Variants in C12orf42 observed in about 807,000 individuals in gnomAD.
The protein encoded by C12orf42 is uncharacterized protein C12orf42.
C12orf42 carries 25 observed loss-of-function variants against 21.6 expected under a neutral mutation model. The observed-to-expected ratio is 1.16, with a 90% confidence interval of 0.84 to 1.62. The LOEUF (loss-of-function observed/expected upper bound fraction) is 1.62. Ranked by LOEUF, C12orf42 falls within the 40% of genes most tolerant of loss-of-function variation. The probability of loss-of-function intolerance (pLI) is 0.00; values close to 1 mark genes in which losing one functional copy is unlikely to be tolerated. For missense variants in C12orf42, 483 were observed against 459.3 expected (o/e 1.05, Z -0.47); for synonymous variants, 174 against 175.0 (o/e 0.99, Z 0.05).
At chr12:103,343,911 G>A (rs2042391232) in intron 4 of C12orf42, among the ~76,000 whole-genome samples, 1 of 152,148 alleles carries the variant, frequency 6.6e-6, no homozygotes. Context: ...CTCCAGGGCT[G>A]TTAGTTCTAA....
chr12:103,197,253 T>G, the C12orf42 span, among the ~76,000 whole-genome samples: 1 of 152,202 alleles, frequency 6.6e-6, no homozygotes. Flanking sequence ...TCTAATCTGT[T>G]CTGGCTTGTA....
the C12orf42 span, among the ~76,000 whole-genome samples, chr12:103,220,325 C>T: frequency 6.6e-6 from 1 of 151,958 alleles, no homozygotes; most frequent in African/African-American, 2.4e-5. Context: ...CAGCAAACCA[C>T]CATGGCATGT....
chr12:103,379,858 A>G (rs201692208), intron 3 of C12orf42, among the ~76,000 whole-genome samples: 2 of 152,344 alleles, frequency 1.3e-5, no homozygotes, highest in South Asian at 2.1e-4. Flanking sequence ...ATTAAGGGTA[A>G]TATCGGGAAG....
chr12:103,260,676 T>C (rs1331363491), intron 10 of C12orf42, among the ~76,000 whole-genome samples: 1 of 152,228 alleles, frequency 6.6e-6, no homozygotes, highest in Non-Finnish European at 1.5e-5. Flanking sequence ...TTGTTTTCAC[T>C]GAATGTGGCC....
chr12:103,057,862 A>G, the C12orf42 span, among the ~76,000 whole-genome samples: 1 of 151,828 alleles, frequency 6.6e-6, no homozygotes, highest in African/African-American at 2.4e-5. Flanking sequence ...GCCAGCATCC[A>G]TTGTTTCTTG....
chr12:103,143,514 C>A, the C12orf42 span, among the ~76,000 whole-genome samples: 2 of 152,194 alleles, frequency 1.3e-5, no homozygotes, highest in Admixed American at 1.3e-4. Context: ...ACCAAGAAAA[C>A]TCCTCTACTG....
At chr12:103,418,302 C>T (rs1163502272) in intron 2 of C12orf42, among the ~76,000 whole-genome samples, 1 of 152,076 alleles carries the variant, frequency 6.6e-6, no homozygotes, top group Non-Finnish European at 1.5e-5. Context: ...TACCAGCAGG[C>T]ATGCCGTCTT....
intron 4 of C12orf42, among the ~76,000 whole-genome samples, chr12:103,336,255 A>AG (rs1378909740): frequency 6.6e-6 from 1 of 152,206 alleles, no homozygotes; most frequent in Non-Finnish European, 1.5e-5. Context: ...CTATATTTAT[A>AG]GTCTTTATGT....
the C12orf42 span, among the ~76,000 whole-genome samples, chr12:103,091,000 C>CA: frequency 2.0e-5 from 3 of 150,574 alleles, no homozygotes; most frequent in Admixed American, 1.3e-4. Context: ...AAAAAGAATA[C>CA]AAAAAAACCA....
the C12orf42 span, among the ~76,000 whole-genome samples, chr12:103,059,066 A>C: frequency 6.6e-6 from 1 of 152,156 alleles, no homozygotes; most frequent in Non-Finnish European, 1.5e-5. Flanking sequence ...TTAACAAAGT[A>C]GATAGACCAC....
Position 103,312,009 on chromosome 12 carries a change from T to A in C12orf42, c.260-5664A>T, listed in dbSNP as rs1284864008. Among the ~76,000 whole-genome samples the A allele has an allele frequency of 9.2e-5, 14 of 152,244 alleles. 1 individual carries two copies. The highest frequency in any genetic ancestry group is 2.1e-4 in the Non-Finnish European group (14 of 68,050). ...AAGTCTTTCTCCTCAGGTATCTTTC[T>A]ATCGATGGTCCTCATTTCAGAAACC... On this transcript the variant is annotated intron_variant, in intron 4 of 5. Transcript: ENST00000548883.
the C12orf42 span, among the ~76,000 whole-genome samples, chr12:103,180,256 C>T: frequency 2.0e-5 from 3 of 151,922 alleles, no homozygotes; most frequent in African/African-American, 4.8e-5. Context: ...ATCTATAATG[C>T]TATTACAATT....
chr12:103,318,376 C>G (rs2039744950), intron 4 of C12orf42, among the ~76,000 whole-genome samples: 1 of 152,112 alleles, frequency 6.6e-6, no homozygotes, highest in Non-Finnish European at 1.5e-5. Context: ...CTAGGAGTGC[C>G]AAGTCATGGG....
the C12orf42 span, among the ~76,000 whole-genome samples, chr12:103,056,664 T>C: frequency 3.3e-5 from 5 of 152,296 alleles, no homozygotes; most frequent in East Asian, 9.6e-4. Flanking sequence ...CTGTCTGTTC[T>C]GATTGAGTGT....
At chr12:103,409,594 T>C (rs1045303037) in intron 2 of C12orf42, among the ~76,000 whole-genome samples, 6 of 152,136 alleles carry the variant, frequency 3.9e-5, no homozygotes, top group Admixed American at 1.3e-4. Context: ...GAAAATCTAT[T>C]TAACATTCAT....
intron 2 of C12orf42, among the ~76,000 whole-genome samples, chr12:103,404,998 C>T (rs2048317320): frequency 6.6e-6 from 1 of 152,192 alleles, no homozygotes; most frequent in East Asian, 1.9e-4. Context: ...CCTTGGAAGG[C>T]CACAATATCT....
chr12:103,274,185 G>C (rs1566010622), intron 5 of C12orf42, among the ~76,000 whole-genome samples: 1 of 152,198 alleles, frequency 6.6e-6, no homozygotes, highest in Non-Finnish European at 1.5e-5. Flanking sequence ...TTGAGGCAGA[G>C]AGACGCTAAG....
the C12orf42 span, among the ~76,000 whole-genome samples, chr12:103,546,611 A>C: frequency 6.6e-6 from 1 of 152,218 alleles, no homozygotes; most frequent in African/African-American, 2.4e-5. Context: ...TTTTGATGGA[A>C]GTCATTGTAG....
the C12orf42 span, among the ~76,000 whole-genome samples, chr12:103,066,227 C>A: frequency 6.6e-6 from 1 of 152,200 alleles, no homozygotes; most frequent in South Asian, 2.1e-4. Context: ...CTATCATAAA[C>A]TGGGTGCTTT....
Sources: gnomAD v4.1 joint callset for allele counts (sites outside exome capture counted in the v4.1 genomes callset) on GRCh38, gnomAD v4.1.1 for gene constraint, MANE v1.5 for transcripts, NCBI Gene and HGNC (gene_info 2026-07-23, HGNC 2026-07-21) for gene names.